The following PRKAR1B variants were observed in gnomAD, a reference collection of about 807,000 sequenced individuals.
PRKAR1B encodes protein kinase cAMP-dependent type I regulatory subunit beta.
In PRKAR1B, 22 loss-of-function variants were observed where a neutral mutation model predicts 46.5. The ratio of observed to expected loss-of-function variants is 0.47; its 90% CI spans 0.34 to 0.68. The LOEUF (loss-of-function observed/expected upper bound fraction) is 0.68. PRKAR1B is among the 30% of genes least tolerant of loss of function. The pLI is 0.01. For synonymous variants in PRKAR1B, 259 were observed against 217.7 expected (o/e 1.19, Z -1.67); for missense variants, 445 against 535.6 (o/e 0.83, Z 1.67).
At chr7:703,575 G>A (rs1426877907) in intron 2 of PRKAR1B, among the ~76,000 whole-genome samples, 2 of 151,106 alleles carry the variant, frequency 1.3e-5, no homozygotes, top group African/African-American at 2.4e-5. Flanking sequence ...AGAATGGCAC[G>A]AACCCGGGAG....
rs1284064227 is a variant in PRKAR1B at position 644,140 on chromosome 7, C to T, written c.440+33089G>A. On this transcript the variant is annotated intron_variant, in intron 4 of 10. Coordinates refer to ENST00000537384, the MANE Select transcript of PRKAR1B (RefSeq NM_001164760.2). The surrounding 1 kb of genome is among the most constrained non-coding windows in gnomAD (Gnocchi z 4.9). ...GGTGCTAAGTCACGGGCCACATGCACCCCCTCCTGTGCCCTCACCTACACA... is the reference window on the plus strand; with the variant it reads ...GGTGCTAAGTCACGGGCCACATGCATCCCCTCCTGTGCCCTCACCTACACA... Among the ~76,000 whole-genome samples, 2 of 152,170 alleles carry T rather than the reference C, an allele frequency of 1.3e-5. No homozygotes were observed. The highest frequency in any genetic ancestry group is 2.9e-5 in the Non-Finnish European group (2 of 68,024).
At position 551,977 on chromosome 7, in the gene PRKAR1B, T is replaced by C. The variant is rs9692096; in HGVS notation, c.892-507A>G. On this transcript the variant is annotated intron_variant, in intron 9 of 10. Coordinates refer to ENST00000537384, the MANE Select transcript of PRKAR1B (RefSeq NM_001164760.2). ...GGTCCTTCCCTCGGCGCCACTGCCATCACCATGTCACCACCCAAACCCCCA... is the reference window on the plus strand; with the variant it reads ...GGTCCTTCCCTCGGCGCCACTGCCACCACCATGTCACCACCCAAACCCCCA... Among the ~76,000 whole-genome samples the C allele has an allele frequency of 6.4e-3, 275 of 42,846 alleles. 8 individuals are homozygous for C. The highest frequency in any genetic ancestry group is 0.032 in the African/African-American group (249 of 7,822). The allele number at this position is 42,846 out of a possible 152,430, so 28.1% of individuals were successfully genotyped here.
intron 3 of PRKAR1B, among the ~76,000 whole-genome samples, chr7:677,549 C>T (rs1778405662): frequency 6.6e-6 from 1 of 152,190 alleles, no homozygotes; most frequent in Admixed American, 6.5e-5. Flanking sequence ...ACTTCAGCCT[C>T]CCAAGTAGCT....
At chr7:697,679 C>T (rs1403185675) in intron 2 of PRKAR1B, among the ~76,000 whole-genome samples, 2 of 151,788 alleles carry the variant, frequency 1.3e-5, no homozygotes, top group Non-Finnish European at 2.9e-5. Context: ...ACCCATAAGC[C>T]CACCTAGCAG....
chr7:659,278 T>C lies in PRKAR1B; in HGVS notation c.440+17951A>G, dbSNP rs1583371569. Among the ~76,000 whole-genome samples, 4 of 152,118 alleles carry C rather than the reference T, an allele frequency of 2.6e-5. No homozygotes were observed. In the South Asian group the frequency reaches 8.3e-4, roughly 32 times the overall value. On this transcript the variant is annotated intron_variant, in intron 4 of 10. Transcript: ENST00000537384. ...CAGTAAAGCCAGGTACGGTAGGGGG[T>C]GGTCTGTGTTGCGCATGCAGTATCT...
chr7:680,187 C>CCAGA (rs957839863), intron 3 of PRKAR1B, among the ~76,000 whole-genome samples: 3 of 150,524 alleles, frequency 2.0e-5, no homozygotes, highest in African/African-American at 7.3e-5. Flanking sequence ...AAGAGAGAGA[C>CCAGA]CAGAGAGGCT....
intron 6 of PRKAR1B, among the ~76,000 whole-genome samples, chr7:604,315 G>A (rs2128462473): frequency 6.6e-6 from 1 of 152,338 alleles, no homozygotes; most frequent in South Asian, 2.1e-4. Context: ...GCTGAGCCCA[G>A]GGTTGACCCG....
chr7:667,354 ATGT>A lies in PRKAR1B; in HGVS notation c.440+9872_440+9874del, dbSNP rs1466930792. On this transcript the variant is annotated intron_variant, in intron 4 of 10. Coordinates refer to ENST00000537384, the MANE Select transcript of PRKAR1B (RefSeq NM_001164760.2). The surrounding 1 kb of genome is among the most constrained non-coding windows in gnomAD (Gnocchi z 4.3). The stretch of plus-strand genomic sequence containing the variant: ...ACCTGAGGAAACTGAGGCTCAGAGA[ATGT>A]TATTACTTATAAATGACATCCACAA... Among the ~76,000 whole-genome samples the A allele has an allele frequency of 6.6e-6, 1 of 152,162 alleles. No individual in the cohort carries two copies. The highest frequency in any genetic ancestry group is 1.5e-5 in the Non-Finnish European group (1 of 68,014).
intron 4 of PRKAR1B, among the ~76,000 whole-genome samples, chr7:621,085 G>T (rs1028876498): frequency 5.3e-5 from 8 of 152,210 alleles, no homozygotes; most frequent in African/African-American, 1.9e-4. Flanking sequence ...AGAGTATTCT[G>T]AGGTTGAACC....
intron 6 of PRKAR1B, chr7:603,271 G>C (rs906403368): frequency 1.3e-5 from 2 of 152,318 alleles, no homozygotes; most frequent in African/African-American, 4.8e-5. Flanking sequence ...CCACCGCAGG[G>C]AGGCAGGTCC....
intron 2 of PRKAR1B, among the ~76,000 whole-genome samples, chr7:687,425 G>T (rs1779152193): frequency 6.6e-6 from 1 of 152,138 alleles, no homozygotes; most frequent in Non-Finnish European, 1.5e-5. Flanking sequence ...ATAAAAATTG[G>T]AACTAAGAAC....
chr7:615,795 T>A (rs1583306782), intron 4 of PRKAR1B, among the ~76,000 whole-genome samples: 1 of 118,932 alleles, frequency 8.4e-6, no homozygotes, highest in Admixed American at 1.1e-4. Flanking sequence ...GCCACTGCAC[T>A]CCAGCCTGGG....
chr7:654,949 C>T (rs1209885509), intron 4 of PRKAR1B, among the ~76,000 whole-genome samples: 1 of 152,190 alleles, frequency 6.6e-6, no homozygotes, highest in Non-Finnish European at 1.5e-5. Flanking sequence ...GCACTGGAAA[C>T]AAACCTCATA....
intron 4 of PRKAR1B, among the ~76,000 whole-genome samples, chr7:630,860 C>T (rs1050413205): frequency 9.2e-5 from 14 of 152,250 alleles, no homozygotes; most frequent in African/African-American, 2.6e-4. Flanking sequence ...AGGGCCCACA[C>T]GTGTGACCTT....
chr7:564,734 G>A (rs1031268974), intron 9 of PRKAR1B, among the ~76,000 whole-genome samples: 2 of 152,232 alleles, frequency 1.3e-5, no homozygotes, highest in Non-Finnish European at 2.9e-5. Context: ...GGGGAGGGGG[G>A]ATCGGCCGGC....
chr7:550,290 G>T lies in PRKAR1B; in HGVS notation c.*140C>A. 2 of 666,968 alleles carry T rather than the reference G, an allele frequency of 3.0e-6. No homozygotes were observed. The highest frequency in any genetic ancestry group is 5.2e-6 in the Non-Finnish European group (2 of 384,698). The allele number at this position is 666,968 out of a possible 1,614,324, so 41.3% of individuals were successfully genotyped here. A position where few individuals can be genotyped will look rare whatever the true frequency, so the allele number is the denominator to read the frequency against. The stretch of plus-strand genomic sequence containing the variant: ...TCATTTATTCCAAAAAGTGAGTCCG[G>T]GGAAGGGGCAGTCCTCACGCTGCCG... On this transcript the variant is annotated 3_prime_UTR_variant, in exon 11 of 11. Transcript: ENST00000537384.
chr7:666,016 G>T lies in PRKAR1B; in HGVS notation c.440+11213C>A, dbSNP rs897071570. The stretch of plus-strand genomic sequence containing the variant: ...GCCGCCTCAAGGGTGAGGTGCCCTC[G>T]CCTGTGCCCGTCTGGCAGCTCCAGT... On this transcript the variant is annotated intron_variant, in intron 4 of 10. Coordinates refer to ENST00000537384, the MANE Select transcript of PRKAR1B (RefSeq NM_001164760.2). This position sits in a 1 kb window ranked among gnomAD's most constrained non-coding sequence, Gnocchi z 4.9. 6.6e-6 allele frequency among the ~76,000 whole-genome samples: 1 copy of T among 152,174 alleles called. No individual in the cohort carries two copies. The highest frequency in any genetic ancestry group is 1.5e-5 in the Non-Finnish European group (1 of 68,038).
At chr7:701,182 T>G (rs1257737027) in intron 2 of PRKAR1B, among the ~76,000 whole-genome samples, 4 of 128,616 alleles carry the variant, frequency 3.1e-5, no homozygotes, top group Admixed American at 9.8e-5. Flanking sequence ...AGCGAGACTC[T>G]GAAAAAAAGA....
intron 4 of PRKAR1B, among the ~76,000 whole-genome samples, chr7:652,405 A>G (rs1250157799): frequency 2.0e-4 from 23 of 114,364 alleles, no homozygotes; most frequent in South Asian, 3.3e-4. Context: ...CCCGTGCAGC[A>G]CTAGGAACCT....
Sources: allele counts gnomAD v4.1 joint callset (sites outside exome capture counted in the v4.1 genomes callset), GRCh38; gene constraint gnomAD v4.1.1; non-coding constraint Gnocchi (gnomAD v3.1); transcripts MANE v1.5; gene names NCBI Gene and HGNC (gene_info 2026-07-23, HGNC 2026-07-21).